CIP2A: variants seen among roughly 807,000 people sequenced by gnomAD.
CIP2A encodes the protein protein CIP2A.
CIP2A carries 103 observed loss-of-function variants against 110.9 expected under a neutral mutation model. The observed-to-expected ratio is 0.93, with a 90% CI of 0.79 to 1.09. The LOEUF is 1.09. Among genes scored for constraint, CIP2A ranks in the 50% least tolerant of loss-of-function variants. The probability of loss-of-function intolerance (pLI) is 0.00; values close to 1 mark genes in which losing one functional copy is unlikely to be tolerated. For missense variants in CIP2A, 1,088 were observed against 1,038.4 expected (o/e 1.05, Z -0.66); for synonymous variants, 381 against 361.6 (o/e 1.05, Z -0.61).
chr3:108,558,050 T>C (rs932027293), intron 16 of CIP2A, among the ~76,000 whole-genome samples: 3 of 152,082 alleles, frequency 2.0e-5, no homozygotes, highest in Non-Finnish European at 1.5e-5. Context: ...TTTAGTGCTA[T>C]TTTTATAAGA....
rs1480396866 is a variant in CIP2A, at chr3:108,553,723, C to T, written c.2332G>A (p.Ala778Thr). The change falls in exon 19 of 21, where the codon GCC becomes ACC. Residue 778 changes from alanine (A) to threonine (T), a missense_variant. By Grantham distance (58) the Ala-to-Thr change is moderately conservative. Coordinates refer to ENST00000295746, the MANE Select transcript of CIP2A (RefSeq NM_020890.3). The part of the protein sequence containing the change: ...SLKEQNEKSI[A>T]QLIEKEEQRK... Reference sequence around the variant, plus strand: ...TGTTCTTCTTTCTCTATTAATTGGGCAATACTTCTGAAGTTATTAAAAAAA... The same window carrying T: ...TGTTCTTCTTTCTCTATTAATTGGGTAATACTTCTGAAGTTATTAAAAAAA... 3.4e-6 allele frequency: 5 copies of T among 1,467,576 alleles called. No individual in the cohort carries two copies. The South Asian group carries it at 3.4e-5, about 10-fold the overall frequency. 90.9% of individuals were successfully genotyped at this position (1,467,576 alleles called of 1,614,324 possible).
chr3:108,563,625 TATAAA>T (rs1288470307), intron 12 of CIP2A, among the ~76,000 whole-genome samples: 7 of 152,166 alleles, frequency 4.6e-5, no homozygotes, highest in Non-Finnish European at 7.4e-5. Flanking sequence ...AAATTAAGGC[TATAAA>T]ATAAAAAGTA....
intron 1 of CIP2A, among the ~76,000 whole-genome samples, chr3:108,588,298 G>C (rs899003378): frequency 2.0e-5 from 3 of 151,978 alleles, no homozygotes; most frequent in Non-Finnish European, 4.4e-5. Context: ...GAATGAAAAA[G>C]AGAAAACAAA....
chr3:108,551,284 T>C lies in CIP2A; in HGVS notation c.2583A>G (p.Glu861=). The C allele has an allele frequency of 6.2e-7, 1 of 1,612,352 alleles. No individual in the cohort carries two copies. The highest frequency in any genetic ancestry group is 8.5e-7 in the Non-Finnish European group (1 of 1,178,924). Residue 861 remains glutamate (E), a synonymous_variant, in exon 21 of 21, where the codon GAA becomes GAG. Coordinates refer to ENST00000295746, the MANE Select transcript of CIP2A (RefSeq NM_020890.3). ...SSLEVQKAQL[E]GRLEEKESLV... is the part of the protein sequence containing the mutation. ...AGGACTCTTTCTCTTCCAAACGACC[T>C]TCTAATTGTGCCTTTTGAACCTCTA...
intron 17 of CIP2A, 134 bp downstream of exon 17, chr3:108,557,084 T>G (rs1937832239): frequency 2.0e-6 from 1 of 503,272 alleles, no homozygotes; most frequent in African/African-American, 1.9e-5. Flanking sequence ...GACTTAAGTT[T>G]CTTGCTAATT....
rs1938875018 is a variant in CIP2A, at chr3:108,581,472, T to C, written c.492A>G (p.Gly164=). ...SEDELKMPCL[G]LLANLCRHNL... is the part of the protein sequence containing the mutation. ...TGTGCCGACAAAGATTTGCCAATAA[T>C]CCTAGACAAGGCATTTTTAACTCAT... The change falls in exon 5 of 21, where the codon GGA becomes GGG. Residue 164 remains glycine, a synonymous_variant. Coordinates refer to ENST00000295746, the MANE Select transcript of CIP2A (RefSeq NM_020890.3). The C allele has an allele frequency of 2.5e-6, 4 of 1,613,288 alleles. No individual in the cohort carries two copies. The East Asian group carries it at 6.7e-5, about 27-fold the overall frequency.
At chr3:108,565,232 C>T in intron 12 of CIP2A, 123 bp downstream of exon 12, 1 of 567,314 alleles carries the variant, frequency 1.8e-6, no homozygotes, top group Non-Finnish European at 3.1e-6. Flanking sequence ...CAACTTTAAA[C>T]TTTCTTCTCA....
chr3:108,579,742 T>A, intron 5 of CIP2A, 54 bp from the exon 6 acceptor site: 1 of 1,253,908 alleles, frequency 8.0e-7, no homozygotes, highest in Non-Finnish European at 1.1e-6. Context: ...TATGTTTTGG[T>A]TTAAAAAGTA....
intron 1 of CIP2A, among the ~76,000 whole-genome samples, chr3:108,587,278 C>CCTA (rs1470305182): frequency 6.6e-6 from 1 of 151,998 alleles, no homozygotes; most frequent in Non-Finnish European, 1.5e-5. Flanking sequence ...AACCCAAATG[C>CCTA]CTATCAACAG....
At chr3:108,558,691 A>G (rs1937895129) in intron 16 of CIP2A, among the ~76,000 whole-genome samples, 2 of 152,164 alleles carry the variant, frequency 1.3e-5, no homozygotes, top group South Asian at 4.1e-4. Flanking sequence ...CTTCTGGGTA[A>G]TGAGGATATT....
At chr3:108,553,919 A>T (rs917309804) in intron 18 of CIP2A, among the ~76,000 whole-genome samples, 189 bp from the exon 19 acceptor site, 1 of 141,640 alleles carries the variant, frequency 7.1e-6, no homozygotes, top group Admixed American at 7.0e-5. Flanking sequence ...AAAAAAAAAA[A>T]GGTCTCGTTC....
At chr3:108,566,428 G>T in intron 11 of CIP2A, 69 bp downstream of exon 11, 1 of 1,220,858 alleles carries the variant, frequency 8.2e-7, no homozygotes, top group Non-Finnish European at 1.2e-6. Context: ...CCTCCAAAAG[G>T]ATGAGAATCA....
rs1938191540 is a variant in CIP2A at position 108,566,576 on chromosome 3, T to C, written c.1336A>G (p.Thr446Ala). Residue 446 changes from threonine (T) to alanine (A), a missense_variant, in exon 11 of 21, where the codon ACC (threonine) becomes GCC (alanine). Transcript: ENST00000295746. ...IAKILTTVKCTTLIEQQFTYG... is the reference protein window; with the variant it reads ...IAKILTTVKCATLIEQQFTYG... ...GTAAATTGTTGTTCTATAAGAGTGG[T>C]ACACTTGACAGTTGTCAAGATTTTT... 9 of 1,606,372 alleles carry C rather than the reference T, an allele frequency of 5.6e-6. No homozygotes were observed. The highest frequency in any genetic ancestry group is 7.7e-6 in the Non-Finnish European group (9 of 1,175,844).
At chr3:108,580,588 A>T (rs1240519801) in intron 5 of CIP2A, among the ~76,000 whole-genome samples, 2 of 152,018 alleles carry the variant, frequency 1.3e-5, no homozygotes, top group Non-Finnish European at 2.9e-5. Context: ...GAAATTGTTC[A>T]CCAAGCACCT....
rs1937936319 is a variant in CIP2A, at chr3:108,559,811, C to T, written c.1959G>A (p.Gln653=). 2 of 1,605,574 alleles carry T rather than the reference C, an allele frequency of 1.2e-6. No individual in the cohort carries two copies. Among genetic ancestry groups the T allele is most frequent in the Admixed American group, 1.7e-5 (1 of 59,838 alleles). ...LLETKALALA[Q]ADRLIAQHRC... ...GATGCTGAGCAATCAGTCTATCAGCCTGTGCAAGGGCTAGAGCTTTTGTTT... is the reference window on the plus strand; with the variant it reads ...GATGCTGAGCAATCAGTCTATCAGCTTGTGCAAGGGCTAGAGCTTTTGTTT... Residue 653 remains glutamine (Q), a synonymous_variant, in exon 16 of 21, where the codon CAG becomes CAA. Transcript: ENST00000295746.
chr3:108,569,177 T>TATATATATATATATAC (rs374983042), intron 9 of CIP2A, among the ~76,000 whole-genome samples: 3,684 of 69,034 alleles, frequency 0.053, 767 homozygotes, highest in African/African-American at 0.16. Context: ...ACTATATATA[T>TATATATATATATATAC]ATATACATAC....
In CIP2A at chr3:108,568,191, A is replaced by G; in HGVS notation, c.1237T>C (p.Cys413Arg). The G allele has an allele frequency of 6.2e-7, 1 of 1,612,106 alleles. No individual in the cohort carries two copies. The highest frequency in any genetic ancestry group is 8.5e-7 in the Non-Finnish European group (1 of 1,178,704). The change falls in exon 10 of 21, where the codon TGT becomes CGT. Residue 413 changes from cysteine to arginine, a missense_variant. By Grantham distance (180) the Cys-to-Arg change is radical. Coordinates refer to ENST00000295746, the MANE Select transcript of CIP2A (RefSeq NM_020890.3). Reference protein sequence around the residue: ...NLDEALTRKKCERIAKAIEVL... With the variant: ...NLDEALTRKKRERIAKAIEVL... ...TCAATGGCCTTGGCAATCCTTTCAC[A>G]TTTTTTTCTTGTTAAAGCCTCATCT... is the stretch of plus-strand genomic sequence containing the variant.
intron 5 of CIP2A, 103 bp from the exon 6 acceptor site, chr3:108,579,791 T>C (rs1938801788): frequency 1.9e-6 from 1 of 530,636 alleles, no homozygotes; most frequent in Admixed American, 4.0e-5. Flanking sequence ...TTAAACATCA[T>C]TATCAACTCT....
chr3:108,587,587 C>T (rs1462132426), intron 1 of CIP2A, among the ~76,000 whole-genome samples: 2 of 152,184 alleles, frequency 1.3e-5, no homozygotes, highest in African/African-American at 4.8e-5. Context: ...AACTATCAAA[C>T]TCTTCACTTA....
Sources: gnomAD v4.1 joint callset for allele counts (sites outside exome capture counted in the v4.1 genomes callset) on GRCh38, gnomAD v4.1.1 for gene constraint, MANE v1.5 for transcripts, NCBI Gene and HGNC (gene_info 2026-07-23, HGNC 2026-07-21) for gene names.